Variants in AUTS2 observed in about 807,000 individuals in gnomAD.
AUTS2 encodes the protein autism susceptibility gene 2 protein.
A neutral mutation model predicts 112.4 loss-of-function variants in AUTS2; 17 were observed. The observed-to-expected ratio is 0.15, with a 90% CI of 0.10 to 0.23. The LOEUF is 0.23. Ranked by LOEUF, AUTS2 falls within the 10% of genes least tolerant of loss-of-function variation. The probability of loss-of-function intolerance (pLI) is 1.00; values close to 1 mark genes in which losing one functional copy is unlikely to be tolerated. For missense variants in AUTS2, 1,510 were observed against 1,701.6 expected (o/e 0.89, Z 1.98); for synonymous variants, 751 against 702.7 (o/e 1.07, Z -1.09).
intron 3 of AUTS2, among the ~76,000 whole-genome samples, chr7:70,127,805 T>C (rs1281166797): frequency 6.6e-6 from 1 of 152,204 alleles, no homozygotes; most frequent in Non-Finnish European, 1.5e-5. Context: ...CCTTTTGAGA[T>C]ACCCCTTCTC....
At chr7:69,749,241 A>G (rs1787636244) in intron 1 of AUTS2, among the ~76,000 whole-genome samples, 1 of 152,170 alleles carries the variant, frequency 6.6e-6, no homozygotes, top group South Asian at 2.1e-4. Context: ...GCCCCCCACA[A>G]CATCTTTATG....
intron 2 of AUTS2, among the ~76,000 whole-genome samples, chr7:69,930,969 G>A (rs563156813): frequency 5.1e-4 from 78 of 152,254 alleles, no homozygotes; most frequent in African/African-American, 1.7e-3. Flanking sequence ...TTAATTCAGT[G>A]TAAAATTTGC....
At chr7:69,975,625 CTGATTCTTTACT>C (rs1288029422) in intron 2 of AUTS2, among the ~76,000 whole-genome samples, 1 of 151,472 alleles carries the variant, frequency 6.6e-6, no homozygotes, top group Non-Finnish European at 1.5e-5. Flanking sequence ...TTTCAGTTCA[CTGATTCTTTACT>C]CTCCTCCACC....
chr7:69,623,279 G>A (rs922679145), intron 1 of AUTS2, among the ~76,000 whole-genome samples: 7 of 151,968 alleles, frequency 4.6e-5, no homozygotes, highest in South Asian at 2.1e-4. Context: ...CTGGAATGTA[G>A]TGGGACAGTC....
chr7:70,209,662 G>A (rs1026339202), intron 4 of AUTS2, among the ~76,000 whole-genome samples: 6 of 152,130 alleles, frequency 3.9e-5, no homozygotes, highest in Non-Finnish European at 8.8e-5. Flanking sequence ...AGAAAAAGGT[G>A]TTTCATAAAC....
intron 4 of AUTS2, among the ~76,000 whole-genome samples, chr7:70,332,547 A>G (rs985223636): frequency 2.0e-5 from 3 of 152,212 alleles, no homozygotes; most frequent in Admixed American, 1.3e-4. Context: ...GCGTCATGCT[A>G]CCTGACTTCA....
chr7:70,581,557 T>A (rs1038314536), intron 5 of AUTS2, among the ~76,000 whole-genome samples: 4 of 151,838 alleles, frequency 2.6e-5, no homozygotes, highest in African/African-American at 9.7e-5. Context: ...GAAAAAAAAA[T>A]GTTGAGATTC....
chr7:70,185,257 C>CTTTT lies in AUTS2; in HGVS notation c.660+50710_660+50713dup, dbSNP rs35215443. Among the ~76,000 whole-genome samples the CTTTT allele has an allele frequency of 3.4e-3, 299 of 87,108 alleles. 11 individuals are homozygous for CTTTT. The highest frequency in any genetic ancestry group is 9.5e-3 in the African/African-American group (208 of 21,904). The allele number at this position is 87,108 out of a possible 152,430, so 57.1% of individuals were successfully genotyped here. On this transcript the variant is annotated intron_variant, in intron 4 of 18. Transcript: ENST00000342771. ...TGCTTTGGGCCTAAATGACATTAAA[C>CTTTT]TTTTTTTTTTTTTTTTTTTTTTTTT... is the stretch of plus-strand genomic sequence containing the variant.
chr7:70,160,391 T>G (rs1808012671), intron 4 of AUTS2, among the ~76,000 whole-genome samples: 1 of 152,214 alleles, frequency 6.6e-6, no homozygotes, highest in African/African-American at 2.4e-5. Flanking sequence ...ATTCTAGATG[T>G]GTGAATTCTT....
intron 2 of AUTS2, among the ~76,000 whole-genome samples, chr7:70,023,357 T>C (rs1800368827): frequency 6.6e-6 from 1 of 152,198 alleles, no homozygotes; most frequent in Non-Finnish European, 1.5e-5. Context: ...TCCTGGTGAA[T>C]GTCATTTTCT....
At chr7:69,935,473 TGA>T (rs1228567930) in intron 2 of AUTS2, among the ~76,000 whole-genome samples, 1 of 152,172 alleles carries the variant, frequency 6.6e-6, no homozygotes, top group Non-Finnish European at 1.5e-5. Flanking sequence ...TAAAAAGTGC[TGA>T]GAGTTGGAAA....
chr7:69,679,069 G>A lies in AUTS2; in HGVS notation c.309+79107G>A, dbSNP rs976298575. 2.0e-5 allele frequency among the ~76,000 whole-genome samples: 3 copies of A among 152,164 alleles called. No homozygotes were observed. The South Asian group carries it at 6.2e-4, about 32-fold the overall frequency. ...AAGTATATGTGTATATTTTTGCTGG[G>A]TTTTGTTTCCAGCCAACTATATTAT... On this transcript the variant is annotated intron_variant, in intron 1 of 18. Transcript: ENST00000342771.
At chr7:70,677,873 G>A (rs1033257663) in intron 5 of AUTS2, among the ~76,000 whole-genome samples, 11 of 152,098 alleles carry the variant, frequency 7.2e-5, no homozygotes, top group Admixed American at 7.2e-4. Context: ...CACAAGGTCA[G>A]GAGATCGAGA....
chr7:69,976,626 CA>C, intron 2 of AUTS2, among the ~76,000 whole-genome samples: 1 of 152,290 alleles, frequency 6.6e-6, no homozygotes, highest in South Asian at 2.1e-4. Context: ...ACATCCTCTT[CA>C]ATACTTGTTC....
intron 1 of AUTS2, among the ~76,000 whole-genome samples, chr7:69,730,896 ACT>A (rs1786763420): frequency 6.6e-6 from 1 of 152,212 alleles, no homozygotes; most frequent in Non-Finnish European, 1.5e-5. Flanking sequence ...TCAGAAATAC[ACT>A]GTTTCAAAGT....
intron 1 of AUTS2, among the ~76,000 whole-genome samples, chr7:69,620,926 G>C (rs961644667): frequency 3.9e-5 from 6 of 152,150 alleles, no homozygotes; most frequent in African/African-American, 1.4e-4. Flanking sequence ...GGGACTTGAG[G>C]GTTCACAGAT....
chr7:70,467,758 GC>G (rs1797224756), intron 5 of AUTS2, among the ~76,000 whole-genome samples: 1 of 152,164 alleles, frequency 6.6e-6, no homozygotes, highest in Non-Finnish European at 1.5e-5. Context: ...CATCTTACAG[GC>G]CTGACTTTGA....
chr7:70,451,558 G>T (rs529605011), intron 5 of AUTS2, among the ~76,000 whole-genome samples: 1 of 151,902 alleles, frequency 6.6e-6, no homozygotes, highest in East Asian at 1.9e-4. Flanking sequence ...ACACTCACAT[G>T]GTTGTGCAAC....
intron 2 of AUTS2, among the ~76,000 whole-genome samples, chr7:70,011,817 C>T (rs997132297): frequency 6.6e-6 from 1 of 152,180 alleles, no homozygotes; most frequent in African/African-American, 2.4e-5. Context: ...CCTTTCAGCC[C>T]TTGCTGTGGA....
Sources: allele counts gnomAD v4.1 joint callset (sites outside exome capture counted in the v4.1 genomes callset), GRCh38; gene constraint gnomAD v4.1.1; transcripts MANE v1.5; gene names NCBI Gene and HGNC (gene_info 2026-07-23, HGNC 2026-07-21).